Variants in CPNE1 observed in about 807,000 individuals in gnomAD.
CPNE1 encodes copine 1, also known as copine-1.
In CPNE1, 58 loss-of-function variants were observed where a neutral mutation model predicts 63.2. The ratio of observed to expected loss-of-function variants is 0.92; its 90% CI spans 0.74 to 1.14. The LOEUF (loss-of-function observed/expected upper bound fraction) is 1.14. Ranked by LOEUF, CPNE1 falls within the 50% of genes most tolerant of loss-of-function variation. The pLI is 0.00. For synonymous variants in CPNE1, 237 were observed against 249.0 expected, an observed-to-expected ratio of 0.95 and a Z score of 0.45; for missense variants, 672 against 661.7, an observed-to-expected ratio of 1.02 and a Z score of -0.17.
At chr20:35,652,440 T>C in intron 1 of CPNE1, 2 of 1,458,536 alleles carry the variant, frequency 1.4e-6, no homozygotes, top group Non-Finnish European at 1.8e-6. Context: ...CCACAGGTTC[T>C]AACCTGGAAA....
chr20:35,632,192 C>T lies in CPNE1; in HGVS notation c.427G>A (p.Glu143Lys). Residue 143 changes from glutamate to lysine, a missense_variant, in exon 5 of 16, where the codon GAG becomes AAG. Glu to Lys is a moderately conservative substitution (Grantham distance 56, BLOSUM62 1). Transcript: ENST00000397443. ...TTATCTAGGTTTCTGGCCTCTACCT[C>T]CATGGTTACTACACGATTGTCCTTT... ...ELKDNRVVTM[E>K]VEARNLDKKD... The T allele has an allele frequency of 1.9e-6, 3 of 1,614,168 alleles. No individual in the cohort carries two copies. The highest frequency in any genetic ancestry group is 2.5e-6 in the Non-Finnish European group (3 of 1,180,012).
intron 1 of CPNE1, chr20:35,653,061 C>T (rs778133307): frequency 2.5e-6 from 4 of 1,613,954 alleles, no homozygotes; most frequent in Non-Finnish European, 3.4e-6. Context: ...CAACTGAAGG[C>T]ATACCAGGCC....
chr20:35,650,821 C>T (rs1037186575), intron 1 of CPNE1: 7 of 152,402 alleles, frequency 4.6e-5, no homozygotes, highest in Non-Finnish European at 5.9e-5. Context: ...CTCACAACAC[C>T]AAAAAGGCAC....
rs542295660 is a variant in CPNE1 at position 35,634,103 on chromosome 20, T to C, written c.1-1180A>G. On this transcript the variant is annotated intron_variant, in intron 1 of 15. Transcript: ENST00000397443. ...GGTGAGACCCTGTCTCTACTAAAAA[T>C]ACAAAAAATTAGCCAGGTGTGGTGG... 6.8e-5 allele frequency among the ~76,000 whole-genome samples: 10 copies of C among 146,186 alleles called. No homozygotes were observed. The South Asian group carries it at 2.2e-3, about 31-fold the overall frequency.
intron 12 of CPNE1, 66 bp from the exon 13 acceptor site, chr20:35,630,556 G>A: frequency 6.4e-7 from 1 of 1,568,084 alleles, no homozygotes; most frequent in Non-Finnish European, 8.8e-7. Flanking sequence ...AAAGGACACT[G>A]GCGTGTGCCA....
intron 13 of CPNE1, 60 bp downstream of exon 13, chr20:35,630,379 A>T (rs2032038889): frequency 1.4e-6 from 2 of 1,393,472 alleles, no homozygotes; most frequent in Non-Finnish European, 2.0e-6. Flanking sequence ...CCTTTTACTC[A>T]TGCAGGCTTG....
chr20:35,651,017 T>C (rs2033473695), intron 1 of CPNE1: 2 of 152,498 alleles, frequency 1.3e-5, no homozygotes, highest in African/African-American at 4.8e-5. Flanking sequence ...ATGTGACACA[T>C]TTTCAGAGCA....
chr20:35,658,939 CAA>C, intron 1 of CPNE1: 2 of 716,142 alleles, frequency 2.8e-6, no homozygotes, highest in African/African-American at 1.8e-5. Flanking sequence ...CCTGATAAAA[CAA>C]GAGATGAATT....
rs924405602 is a variant in CPNE1, at chr20:35,632,627, G to A, written c.199C>T (p.Arg67Cys). The A allele has an allele frequency of 1.2e-5, 18 of 1,539,242 alleles. No homozygotes were observed. The highest frequency in any genetic ancestry group is 5.0e-5 in the Admixed American group (3 of 59,904). Residue 67 changes from arginine to cysteine, a missense_variant, in exon 3 of 16, where the codon CGC (arginine) becomes TGC (cysteine). Arg to Cys is a radical substitution (Grantham distance 180). Coordinates refer to ENST00000397443, the MANE Select transcript of CPNE1 (RefSeq NM_152925.3). Reference sequence around the variant, plus strand: ...CGTAGCTTCTGGACTGTCTCAAAGCGGTACTCAAGCTGTAGAGTCTTGGAG... The same window carrying A: ...CGTAGCTTCTGGACTGTCTCAAAGCAGTACTCAAGCTGTAGAGTCTTGGAG... The part of the protein sequence containing the change: ...EFSKTLQLEY[R>C]FETVQKLRFG...
chr20:35,645,433 G>A (rs564011044), intron 1 of CPNE1, among the ~76,000 whole-genome samples: 12 of 152,290 alleles, frequency 7.9e-5, no homozygotes, highest in South Asian at 2.1e-4. Context: ...CCTGGTTCCC[G>A]TGGTATAGGA....
intron 13 of CPNE1, among the ~76,000 whole-genome samples, chr20:35,628,832 T>C (rs2031934022): frequency 6.6e-6 from 1 of 152,130 alleles, no homozygotes; most frequent in Admixed American, 6.5e-5. Flanking sequence ...ATTTTGAGGA[T>C]TGGTCTGTGA....
At position 35,653,523 on chromosome 20, in the gene CPNE1, C is replaced by A. The variant is rs1175556637; in HGVS notation, c.-1+11237G>T. 3 of 1,614,124 alleles carry A rather than the reference C, an allele frequency of 1.9e-6. No individual in the cohort carries two copies. In the African/African-American group the frequency reaches 4.0e-5, roughly 22 times the overall value. On this transcript the variant is annotated intron_variant, in intron 1 of 15. Coordinates refer to ENST00000397443, the MANE Select transcript of CPNE1 (RefSeq NM_152925.3). Reference sequence around the variant, plus strand: ...GTTTTTTACGGTGTAAGCGTTCAGACTTACGTGCATCATCTTCATTTTTAA... The same window carrying A: ...GTTTTTTACGGTGTAAGCGTTCAGAATTACGTGCATCATCTTCATTTTTAA...
In CPNE1 at chr20:35,632,616, T is replaced by C. The variant is rs1416510662; in HGVS notation, c.210A>G (p.Thr70=). The C allele has an allele frequency of 6.3e-7, 1 of 1,582,262 alleles. No homozygotes were observed. Among genetic ancestry groups the C allele is most frequent in the Non-Finnish European group, 8.7e-7 (1 of 1,150,988 alleles). The change falls in exon 3 of 16, where the codon ACA becomes ACG. Residue 70 remains threonine (T), a synonymous_variant. Transcript: ENST00000397443. ...KTLQLEYRFE[T]VQKLRFGIYD... Reference sequence around the variant, plus strand: ...AGATTCCAAAGCGTAGCTTCTGGACTGTCTCAAAGCGGTACTCAAGCTGTA... The same window carrying C: ...AGATTCCAAAGCGTAGCTTCTGGACCGTCTCAAAGCGGTACTCAAGCTGTA...
Position 35,632,883 on chromosome 20 carries a change from C to A in CPNE1, c.41G>T (p.Cys14Phe), listed in dbSNP as rs2032262094. 1.1e-6 allele frequency: 1 copy of A among 872,858 alleles called. No individual in the cohort carries two copies. The highest frequency in any genetic ancestry group is 1.7e-5 in the Admixed American group (1 of 59,168). 54.1% of individuals were successfully genotyped at this position (872,858 alleles called of 1,614,324 possible). Residue 14 changes from cysteine to phenylalanine, a missense_variant, in exon 2 of 16, where the codon TGT (cysteine) becomes TTT (phenylalanine). Transcript: ENST00000397443. ...CVTLVQLSIS[C>F]DHLIDKDIGS... Reference sequence around the variant, plus strand: ...GATGTCCTTGTCAATGAGATGGTCACAGGAAATGGACAGCTGAACCAAGGT... The same window carrying A: ...GATGTCCTTGTCAATGAGATGGTCAAAGGAAATGGACAGCTGAACCAAGGT...
At chr20:35,658,691 C>T (rs911305316) in intron 1 of CPNE1, among the ~76,000 whole-genome samples, 2 of 151,884 alleles carry the variant, frequency 1.3e-5, no homozygotes, top group Non-Finnish European at 2.9e-5. Flanking sequence ...ACCCGGGAGG[C>T]GGAGGTTGCA....
intron 1 of CPNE1, chr20:35,651,693 G>A (rs1323886516): frequency 6.6e-6 from 1 of 152,502 alleles, no homozygotes; most frequent in Non-Finnish European, 1.5e-5. Flanking sequence ...TCTGGTTTTC[G>A]ATACCATCCA....
chr20:35,642,629 T>A (rs971712190), intron 1 of CPNE1, among the ~76,000 whole-genome samples: 1 of 152,216 alleles, frequency 6.6e-6, no homozygotes, highest in Admixed American at 6.5e-5. Flanking sequence ...AGTTTTCTTA[T>A]CCCTACTTTT....
intron 1 of CPNE1, among the ~76,000 whole-genome samples, chr20:35,640,976 T>A (rs2146307745): frequency 6.6e-6 from 1 of 152,248 alleles, no homozygotes; most frequent in African/African-American, 2.4e-5. Context: ...AACAGCTGAG[T>A]CTATAGCTCC....
chr20:35,631,963 G>C lies in CPNE1; in HGVS notation c.519C>G (p.His173Gln), dbSNP rs1275875438. Residue 173 changes from histidine (H) to glutamine (Q), a missense_variant, in exon 6 of 16, where the codon CAC becomes CAG. Coordinates refer to ENST00000397443, the MANE Select transcript of CPNE1 (RefSeq NM_152925.3). The stretch of plus-strand genomic sequence containing the variant: ...CTCATACCTCAGATCTGTACACCAG[G>C]TGCCATTTCCCATCACCCTGGCGGA... ...EFFRQGDGKW[H>Q]LVYRSEVIKN... 1.2e-6 allele frequency: 2 copies of C among 1,613,914 alleles called. No homozygotes were observed. The highest frequency in any genetic ancestry group is 2.7e-5 in the African/African-American group (2 of 74,858).
Sources: allele counts gnomAD v4.1 joint callset (sites outside exome capture counted in the v4.1 genomes callset), GRCh38; gene constraint gnomAD v4.1.1; transcripts MANE v1.5; gene names NCBI Gene and HGNC (gene_info 2026-07-23, HGNC 2026-07-21).